The following BIK variants were observed in gnomAD, a reference collection of about 807,000 sequenced individuals.
BIK encodes the protein bcl-2-interacting killer.
In BIK, 14 loss-of-function variants were observed where a neutral mutation model predicts 12.1. The observed-to-expected ratio is 1.16, with a 90% CI of 0.77 to 1.81. The LOEUF is 1.81. Ranked by LOEUF, BIK falls within the 40% of genes most tolerant of loss-of-function variation. BIK has a pLI of 0.00. For missense variants in BIK, 215 were observed against 207.9 expected (o/e 1.03, Z -0.21); for synonymous variants, 86 against 92.3 (o/e 0.93, Z 0.39).
chr22:43,113,828 A>AT (rs1392414909), intron 1 of BIK, among the ~76,000 whole-genome samples: 1 of 152,028 alleles, frequency 6.6e-6, no homozygotes, highest in African/African-American at 2.4e-5. Flanking sequence ...ATCCCATGAG[A>AT]TTTTGACTAC....
rs775247531 is a variant in BIK at position 43,129,312 on chromosome 22, G to A, written c.*7G>A. 2.4e-5 allele frequency: 38 copies of A among 1,596,658 alleles called. No homozygotes were observed. The highest frequency in any genetic ancestry group is 8.0e-5 in the African/African-American group (6 of 74,822). ...GCACCTGCTGCTCAAGTGAGGCCCCGGCGGCTCAGGGCGGGGCTGGCCCCA... is the reference window on the plus strand; with the variant it reads ...GCACCTGCTGCTCAAGTGAGGCCCCAGCGGCTCAGGGCGGGGCTGGCCCCA... On this transcript the variant is annotated 3_prime_UTR_variant, in exon 5 of 5. Coordinates refer to ENST00000216115, the MANE Select transcript of BIK (RefSeq NM_001197.5).
chr22:43,129,111 GT>G, intron 4 of BIK, 101 bp from the exon 5 acceptor site: 1 of 1,587,398 alleles, frequency 6.3e-7, no homozygotes, highest in Non-Finnish European at 8.5e-7. Context: ...CTCCTTCCCA[GT>G]CCCCACCCTC....
chr22:43,120,494 C>G (rs1472976917), intron 1 of BIK, among the ~76,000 whole-genome samples: 1 of 152,206 alleles, frequency 6.6e-6, no homozygotes, highest in Non-Finnish European at 1.5e-5. Flanking sequence ...CAGGCCAGGT[C>G]TAGGGAGCCG....
intron 1 of BIK, among the ~76,000 whole-genome samples, chr22:43,114,768 G>T (rs1475166414): frequency 6.6e-6 from 1 of 152,242 alleles, no homozygotes; most frequent in Non-Finnish European, 1.5e-5. Flanking sequence ...GTCAGCACGG[G>T]TGTGCGCCTC....
chr22:43,128,622 CTGG>C lies in BIK; in HGVS notation c.388_390del (p.Trp130del), dbSNP rs1930371732. 6.2e-7 allele frequency: 1 copy of C among 1,608,712 alleles called. No individual in the cohort carries two copies. Among genetic ancestry groups the C allele is most frequent in the African/African-American group, 1.3e-5 (1 of 74,786 alleles). On this transcript the variant is annotated inframe_deletion and splice_region_variant, in exon 4 of 5. Transcript: ENST00000216115. ...TCTGGAGATCCCCGAACCCCGGGTC[CTGG>C]GTAAGAGCCTTGAGATCCCTGACCC...
intron 1 of BIK, among the ~76,000 whole-genome samples, chr22:43,120,864 T>A (rs924352746): frequency 6.6e-6 from 1 of 152,202 alleles, no homozygotes; most frequent in African/African-American, 2.4e-5. Flanking sequence ...TCAGATTAGG[T>A]CCCTTCTTTG....
intron 2 of BIK, among the ~76,000 whole-genome samples, chr22:43,127,220 G>A (rs1930334098): frequency 6.6e-6 from 1 of 152,050 alleles, no homozygotes. Flanking sequence ...TTTCAGGATT[G>A]GGACCAGGAC....
At chr22:43,127,904 T>C (rs1930351561) in intron 3 of BIK, 109 bp downstream of exon 3, 1 of 1,037,452 alleles carries the variant, frequency 9.6e-7, no homozygotes, top group Non-Finnish European at 1.3e-6. Context: ...CTGTGGGGGA[T>C]GTGCCTTGAC....
chr22:43,124,185 T>A lies in BIK; in HGVS notation c.161+2T>A. The A allele has an allele frequency of 6.2e-7, 1 of 1,613,906 alleles. No homozygotes were observed. The highest frequency in any genetic ancestry group is 1.1e-5 in the South Asian group (1 of 91,064). On this transcript the variant is annotated splice_donor_variant, in intron 2 of 4. Coordinates refer to ENST00000216115, the MANE Select transcript of BIK (RefSeq NM_001197.5). LOFTEE classifies it high-confidence loss of function. ...TTCTTTGGAATGCATGGAGGGCAGG[T>A]AGGTCCCCATGGCCTGCCCTACCCC...
chr22:43,127,964 G>A (rs1294729964), intron 3 of BIK, among the ~76,000 whole-genome samples, 169 bp downstream of exon 3: 2 of 152,148 alleles, frequency 1.3e-5, no homozygotes, highest in Non-Finnish European at 2.9e-5. Flanking sequence ...TCTCCTGGGA[G>A]CCCCCAGCTC....
intron 1 of BIK, among the ~76,000 whole-genome samples, chr22:43,119,055 C>T (rs1306844791): frequency 5.3e-5 from 8 of 151,868 alleles, no homozygotes; most frequent in Non-Finnish European, 1.2e-4. Context: ...AACCTGCCCT[C>T]CCTCCCACTC....
At chr22:43,118,797 C>G (rs891373380) in intron 1 of BIK, among the ~76,000 whole-genome samples, 1 of 152,024 alleles carries the variant, frequency 6.6e-6, no homozygotes, top group African/African-American at 2.4e-5. Context: ...GGGTCCCTAC[C>G]AGGAGTTCGA....
At chr22:43,122,083 AGGCCTGT>A (rs1414785127) in intron 1 of BIK, among the ~76,000 whole-genome samples, 2 of 152,220 alleles carry the variant, frequency 1.3e-5, no homozygotes, top group Non-Finnish European at 2.9e-5. Context: ...ACTTGTGCCT[AGGCCTGT>A]GGGAGGGCGG....
rs545835636 is a variant in BIK at position 43,128,861 on chromosome 22, C to T, written c.390+236C>T. Among the ~76,000 whole-genome samples, 4 of 152,348 alleles carry T rather than the reference C, an allele frequency of 2.6e-5. No homozygotes were observed. In the South Asian group the frequency reaches 8.3e-4, roughly 32 times the overall value. On this transcript the variant is annotated intron_variant, in intron 4 of 4. Coordinates refer to ENST00000216115, the MANE Select transcript of BIK (RefSeq NM_001197.5). ...GAGAGCCTTCACCTGGCAGGCAGGA[C>T]TCCCGTCTCCTGGCCAGGGCAGGGG...
At chr22:43,129,131 C>G in intron 4 of BIK, 82 bp from the exon 5 acceptor site, 1 of 1,597,240 alleles carries the variant, frequency 6.3e-7, no homozygotes, top group Admixed American at 1.7e-5. Flanking sequence ...TCCTGGGCTT[C>G]CCCTTGGCAC....
At chr22:43,112,559 C>T (rs183686801) in intron 1 of BIK, among the ~76,000 whole-genome samples, 22 of 151,816 alleles carry the variant, frequency 1.4e-4, no homozygotes, top group South Asian at 8.3e-4. Context: ...ACGTGAGCCC[C>T]TATGCCTGGC....
intron 1 of BIK, among the ~76,000 whole-genome samples, chr22:43,118,638 A>G (rs1267355107): frequency 2.0e-5 from 3 of 152,098 alleles, no homozygotes; most frequent in African/African-American, 2.4e-5. Context: ...AGACTGGACC[A>G]GGGTTTTCTA....
intron 1 of BIK, among the ~76,000 whole-genome samples, chr22:43,116,719 A>G (rs1389659325): frequency 6.6e-6 from 1 of 152,106 alleles, no homozygotes; most frequent in Non-Finnish European, 1.5e-5. Context: ...GGCCTCCCAA[A>G]GTGCTGGGAT....
chr22:43,129,563 A>C lies in BIK; in HGVS notation c.*258A>C. On this transcript the variant is annotated 3_prime_UTR_variant, in exon 5 of 5. Coordinates refer to ENST00000216115, the MANE Select transcript of BIK (RefSeq NM_001197.5). ...GGTTAACTGTGGCCTGTGCCCAGGA[A>C]GAGCCATTCACTCCTGCCCCTGCCC... is the stretch of plus-strand genomic sequence containing the variant. 1.7e-6 allele frequency: 1 copy of C among 595,704 alleles called. No homozygotes were observed. The highest frequency in any genetic ancestry group is 2.8e-6 in the Non-Finnish European group (1 of 356,996). 36.9% of individuals were successfully genotyped at this position (595,704 alleles called of 1,614,324 possible). A position where few individuals can be genotyped will look rare whatever the true frequency, so the allele number is the denominator to read the frequency against.
Sources: allele counts gnomAD v4.1 joint callset (sites outside exome capture counted in the v4.1 genomes callset), GRCh38; gene constraint gnomAD v4.1.1; transcripts MANE v1.5; gene names NCBI Gene and HGNC (gene_info 2026-07-23, HGNC 2026-07-21).